RAB11FIP4: variants seen among roughly 807,000 people sequenced by gnomAD.
RAB11FIP4 encodes the protein rab11 family-interacting protein 4.
RAB11FIP4 carries 23 observed loss-of-function variants against 74.3 expected under a neutral mutation model. The ratio of observed to expected loss-of-function variants is 0.31; its 90% CI spans 0.22 to 0.44. The LOEUF (loss-of-function observed/expected upper bound fraction) is 0.44, where lower values mean the gene tolerates loss of function less well. Ranked by LOEUF, RAB11FIP4 falls within the 20% of genes least tolerant of loss-of-function variation. The pLI is 1.00. For missense variants in RAB11FIP4, 630 were observed against 863.9 expected (o/e 0.73, Z 3.39); for synonymous variants, 360 against 359.9 (o/e 1.00, Z 0.00).
chr17:31,504,650 A>AT (rs2072283520), intron 3 of RAB11FIP4, among the ~76,000 whole-genome samples: 1 of 152,178 alleles, frequency 6.6e-6, no homozygotes, highest in Non-Finnish European at 1.5e-5. Flanking sequence ...AACTAAGGAC[A>AT]TTTTCCTTCA....
At chr17:31,483,192 CAAAAAAAAAAA>C (rs56720417) in intron 3 of RAB11FIP4, among the ~76,000 whole-genome samples, 13 of 58,556 alleles carry the variant, frequency 2.2e-4, no homozygotes, top group Non-Finnish European at 3.0e-4. Context: ...GACTGCATCT[CAAAAAAAAAAA>C]AAAAAAAAAA....
rs912860551 is a variant in RAB11FIP4, at chr17:31,537,180, C to T, written c.*5448C>T. 5.0e-6 allele frequency: 2 copies of T among 399,400 alleles called. No individual in the cohort carries two copies. The highest frequency in any genetic ancestry group is 8.8e-6 in the Non-Finnish European group (2 of 226,266). 24.7% of individuals were successfully genotyped at this position (399,400 alleles called of 1,614,324 possible). A position where few individuals can be genotyped will look rare whatever the true frequency, so the allele number is the denominator to read the frequency against. On this transcript the variant is annotated 3_prime_UTR_variant, in exon 15 of 15. Transcript: ENST00000621161. ...CACTGTACAGGATTTTCCACATTGC[C>T]CACTGCCTCCTTTTCTACATCGTCT...
intron 3 of RAB11FIP4, among the ~76,000 whole-genome samples, chr17:31,447,586 G>A (rs577854309): frequency 6.6e-6 from 1 of 152,032 alleles, no homozygotes; most frequent in Non-Finnish European, 1.5e-5. Flanking sequence ...GCAATAGTAC[G>A]ATCTTGGCTC....
chr17:31,516,644 AT>A (rs1313422260), intron 3 of RAB11FIP4, among the ~76,000 whole-genome samples: 4 of 152,066 alleles, frequency 2.6e-5, no homozygotes, highest in African/African-American at 9.7e-5. Flanking sequence ...TAATTTTTGT[AT>A]TTTTAGTAGA....
At chr17:31,438,089 G>A (rs888123706) in intron 3 of RAB11FIP4, among the ~76,000 whole-genome samples, 1 of 152,122 alleles carries the variant, frequency 6.6e-6, no homozygotes, top group Non-Finnish European at 1.5e-5. Flanking sequence ...GACTCCCCAG[G>A]TTCCCTGGGT....
At chr17:31,522,444 C>G in intron 7 of RAB11FIP4, 49 bp downstream of exon 7, 1 of 1,584,680 alleles carries the variant, frequency 6.3e-7, no homozygotes, top group East Asian at 2.2e-5. Flanking sequence ...CCCCATGCTG[C>G]CCACTGGCCG....
At chr17:31,398,074 G>T (rs1331164650) in intron 1 of RAB11FIP4, among the ~76,000 whole-genome samples, 1 of 151,670 alleles carries the variant, frequency 6.6e-6, no homozygotes, top group African/African-American at 2.4e-5. Context: ...TTTTGAGACG[G>T]AGTCTCACTC....
At chr17:31,527,950 G>T in intron 11 of RAB11FIP4, 27 bp downstream of exon 11, 1 of 1,547,272 alleles carries the variant, frequency 6.5e-7, no homozygotes. Context: ...GGCTTGGAGG[G>T]GCAGGGCTGG....
intron 1 of RAB11FIP4, among the ~76,000 whole-genome samples, chr17:31,407,657 C>T (rs938107558): frequency 2.0e-5 from 3 of 152,094 alleles, no homozygotes; most frequent in African/African-American, 4.8e-5. Flanking sequence ...TCTGTTTCCT[C>T]GAGGTTAGAT....
chr17:31,469,163 G>C (rs1214590302), intron 3 of RAB11FIP4, among the ~76,000 whole-genome samples: 1 of 152,202 alleles, frequency 6.6e-6, no homozygotes, highest in East Asian at 1.9e-4. Flanking sequence ...CTGTGCACCT[G>C]ACACATGCAT....
chr17:31,415,523 T>G (rs1306851496), intron 1 of RAB11FIP4, among the ~76,000 whole-genome samples: 1 of 152,184 alleles, frequency 6.6e-6, no homozygotes. Context: ...CACTCTGGTT[T>G]TCTTCTCTTC....
At chr17:31,393,322 G>A (rs892970047) in intron 1 of RAB11FIP4, among the ~76,000 whole-genome samples, 1 of 152,218 alleles carries the variant, frequency 6.6e-6, no homozygotes, top group South Asian at 2.1e-4. Flanking sequence ...CGTTTTTCCA[G>A]TGGCTCCCAT....
At chr17:31,516,863 C>A (rs915920875) in intron 3 of RAB11FIP4, among the ~76,000 whole-genome samples, 3 of 152,106 alleles carry the variant, frequency 2.0e-5, no homozygotes, top group African/African-American at 7.2e-5. Context: ...GTTTAAATAC[C>A]ATCTAGAGGT....
At chr17:31,484,919 T>G (rs2071886334) in intron 3 of RAB11FIP4, among the ~76,000 whole-genome samples, 1 of 152,234 alleles carries the variant, frequency 6.6e-6, no homozygotes, top group South Asian at 2.1e-4. Flanking sequence ...ATTGAGACAC[T>G]GGGACTTAAA....
At chr17:31,467,782 C>T (rs114508916) in intron 3 of RAB11FIP4, among the ~76,000 whole-genome samples, 5 of 152,216 alleles carry the variant, frequency 3.3e-5, no homozygotes, top group South Asian at 2.1e-4. Context: ...GCTCCATTAC[C>T]GCTCTTTTCC....
intron 3 of RAB11FIP4, among the ~76,000 whole-genome samples, chr17:31,451,082 G>A (rs185899621): frequency 1.1e-3 from 171 of 152,216 alleles, no homozygotes; most frequent in Admixed American, 4.6e-3. Context: ...CAGCAGAGCC[G>A]CACCCTGTAC....
intron 3 of RAB11FIP4, among the ~76,000 whole-genome samples, chr17:31,436,881 G>A (rs979085016): frequency 3.6e-4 from 55 of 151,302 alleles, no homozygotes; most frequent in African/African-American, 1.2e-3. Flanking sequence ...TCCGCCTCCC[G>A]GGTTCATGCC....
intron 1 of RAB11FIP4, among the ~76,000 whole-genome samples, chr17:31,428,981 T>C (rs1008937): frequency 5.3e-5 from 8 of 151,328 alleles, no homozygotes; most frequent in Admixed American, 2.6e-4. Flanking sequence ...TGATGATGAT[T>C]ATTATTATTA....
chr17:31,538,132 G>A lies in RAB11FIP4; in HGVS notation c.*6400G>A, dbSNP rs976078854. On this transcript the variant is annotated 3_prime_UTR_variant, in exon 15 of 15. Transcript: ENST00000621161. Reference sequence around the variant, plus strand: ...CTCCAACCTGCTTCTGCCCCAAAAGGAACAGGCTGTTGGTGGCAGGCTCCT... The same window carrying A: ...CTCCAACCTGCTTCTGCCCCAAAAGAAACAGGCTGTTGGTGGCAGGCTCCT... 6.6e-6 allele frequency: 1 copy of A among 152,416 alleles called. No homozygotes were observed. Among genetic ancestry groups the A allele is most frequent in the Non-Finnish European group, 1.5e-5 (1 of 68,182 alleles). The allele number at this position is 152,416 out of a possible 1,614,324, so 9.4% of individuals were successfully genotyped here. A position where few individuals can be genotyped will look rare whatever the true frequency, so the allele number is the denominator to read the frequency against.
Sources: gnomAD v4.1 joint callset for allele counts (sites outside exome capture counted in the v4.1 genomes callset) on GRCh38, gnomAD v4.1.1 for gene constraint, MANE v1.5 for transcripts, NCBI Gene and HGNC (gene_info 2026-07-23, HGNC 2026-07-21) for gene names.